The following MGAT4C variants were observed in gnomAD, a reference collection of about 807,000 sequenced individuals.
The protein encoded by MGAT4C is alpha-1,3-mannosyl-glycoprotein 4-beta-N-acetylglucosaminyltransferase C.
In MGAT4C, 19 loss-of-function variants were observed where a neutral mutation model predicts 40.1. The observed-to-expected ratio is 0.47, with a 90% CI of 0.33 to 0.70. MGAT4C has a LOEUF of 0.70. Ranked by LOEUF, MGAT4C falls within the 30% of genes least tolerant of loss-of-function variation. The pLI, the probability that MGAT4C is intolerant of heterozygous loss-of-function variation, is 0.02. For synonymous variants in MGAT4C, 181 were observed against 187.1 expected (o/e 0.97, Z 0.27); for missense variants, 491 against 563.2 (o/e 0.87, Z 1.30).
chr12:86,128,757 T>C (rs1265677897), intron 1 of MGAT4C, among the ~76,000 whole-genome samples: 2 of 152,080 alleles, frequency 1.3e-5, no homozygotes, highest in Non-Finnish European at 2.9e-5. Context: ...TTTAATAAAG[T>C]ATTATGGGTT....
At chr12:86,803,338 T>G (rs1342092092) in intron 1 of MGAT4C, among the ~76,000 whole-genome samples, 5 of 151,630 alleles carry the variant, frequency 3.3e-5, no homozygotes, top group Non-Finnish European at 5.9e-5. Flanking sequence ...GCATTACCAT[T>G]CAGGACATAG....
chr12:86,413,112 T>G (rs117434181), intron 3 of MGAT4C, among the ~76,000 whole-genome samples: 1 of 152,204 alleles, frequency 6.6e-6, no homozygotes, highest in Non-Finnish European at 1.5e-5. Flanking sequence ...AATTTTATGT[T>G]AAATTGTGTG....
At position 86,473,448 on chromosome 12, in the gene MGAT4C, T is replaced by C. The variant is rs73387884; in HGVS notation, c.-228-38183A>G. 3.2e-3 allele frequency among the ~76,000 whole-genome samples: 489 copies of C among 152,328 alleles called. 2 individuals carry two copies. The highest frequency in any genetic ancestry group is 0.011 in the African/African-American group (476 of 41,580). On this transcript the variant is annotated intron_variant, in intron 2 of 7. Transcript: ENST00000548651. The stretch of plus-strand genomic sequence containing the variant: ...CATTAGAACATTTATCACTGATACA[T>C]ATTTCCTAATAGCTAAAAGTTTACT...
intron 1 of MGAT4C, among the ~76,000 whole-genome samples, chr12:86,111,041 AAC>A (rs1877298466): frequency 6.6e-6 from 1 of 151,766 alleles, no homozygotes; most frequent in Non-Finnish European, 1.5e-5. Context: ...ACTTTGCTTT[AAC>A]AAATACTAAT....
chr12:86,682,762 G>A (rs375510855), intron 2 of MGAT4C, among the ~76,000 whole-genome samples: 1 of 151,864 alleles, frequency 6.6e-6, no homozygotes. Flanking sequence ...GGCCTTCAAG[G>A]ACAAATATTT....
Position 86,197,321 on chromosome 12 carries a change from A to G in MGAT4C, c.-57+58918T>C, listed in dbSNP as rs190681679. 2.1e-3 allele frequency among the ~76,000 whole-genome samples: 318 copies of G among 152,338 alleles called. 2 individuals are homozygous for G. Among genetic ancestry groups the G allele is most frequent in the Non-Finnish European group, 6.0e-4 (41 of 68,036 alleles). ...TCTTCTTATTTATCTGTATATATGT[A>G]TGTGTGTATACATATATACATATAC... On this transcript the variant is annotated intron_variant, in intron 1 of 4. Coordinates refer to ENST00000611864, the MANE Select transcript of MGAT4C (RefSeq NM_001351288.2).
intron 1 of MGAT4C, among the ~76,000 whole-genome samples, chr12:86,098,080 T>C (rs1874280159): frequency 6.6e-6 from 1 of 151,620 alleles, no homozygotes; most frequent in South Asian, 2.1e-4. Context: ...AGAAAAACAT[T>C]TCCTAAGAGA....
intron 2 of MGAT4C, among the ~76,000 whole-genome samples, chr12:86,447,047 G>C (rs1592859101): frequency 6.6e-6 from 1 of 152,174 alleles, no homozygotes; most frequent in East Asian, 1.9e-4. Context: ...AGGGATTGTA[G>C]AACAGTGACC....
chr12:86,279,155 G>A (rs1953152198), intron 4 of MGAT4C, among the ~76,000 whole-genome samples: 1 of 151,890 alleles, frequency 6.6e-6, no homozygotes, highest in African/African-American at 2.4e-5. Flanking sequence ...TTGGTATTAG[G>A]ATAATACTGG....
At chr12:86,809,095 A>G (rs1952421105) in intron 1 of MGAT4C, among the ~76,000 whole-genome samples, 1 of 152,148 alleles carries the variant, frequency 6.6e-6, no homozygotes, top group Non-Finnish European at 1.5e-5. Flanking sequence ...GGACCTCTTC[A>G]AAGAGAACTA....
At chr12:86,212,093 AATC>A (rs1383004998) in intron 1 of MGAT4C, among the ~76,000 whole-genome samples, 1 of 152,190 alleles carries the variant, frequency 6.6e-6, no homozygotes, top group African/African-American at 2.4e-5. Flanking sequence ...ATAGCCCTAG[AATC>A]ATCATTACTT....
intron 2 of MGAT4C, among the ~76,000 whole-genome samples, chr12:86,610,503 T>G (rs1189029702): frequency 1.3e-5 from 2 of 152,152 alleles, no homozygotes; most frequent in Non-Finnish European, 2.9e-5. Flanking sequence ...CATTGCGTCA[T>G]TCTCCTGGAA....
At chr12:86,533,279 A>G (rs1959013812) in intron 2 of MGAT4C, among the ~76,000 whole-genome samples, 1 of 152,092 alleles carries the variant, frequency 6.6e-6, no homozygotes, top group South Asian at 2.1e-4. Flanking sequence ...AGTTCATCTA[A>G]TAGTTTCCTT....
chr12:86,768,325 T>C (rs901862822), intron 1 of MGAT4C, among the ~76,000 whole-genome samples: 1 of 152,084 alleles, frequency 6.6e-6, no homozygotes, highest in African/African-American at 2.4e-5. Flanking sequence ...GTGAAGGACC[T>C]CTTCAAGGAG....
chr12:86,563,980 C>T (rs898191984), intron 2 of MGAT4C, among the ~76,000 whole-genome samples: 1 of 152,000 alleles, frequency 6.6e-6, no homozygotes, highest in East Asian at 1.9e-4. Context: ...TGGGAAAGGC[C>T]AAATGGAATC....
chr12:86,263,256 G>A (rs1237601788), intron 4 of MGAT4C, among the ~76,000 whole-genome samples: 1 of 152,014 alleles, frequency 6.6e-6, no homozygotes, highest in Non-Finnish European at 1.5e-5. Flanking sequence ...GTCAATTCAA[G>A]GCTTTTAGGG....
chr12:86,337,586 CAA>C (rs59069586), intron 3 of MGAT4C, among the ~76,000 whole-genome samples: 32 of 65,626 alleles, frequency 4.9e-4, no homozygotes, highest in African/African-American at 6.6e-4. Flanking sequence ...AATCTTGTCT[CAA>C]AAAAAAAAAA....
At chr12:85,995,015 G>A (rs1188526372) in intron 2 of MGAT4C, among the ~76,000 whole-genome samples, 1 of 152,218 alleles carries the variant, frequency 6.6e-6, no homozygotes, top group East Asian at 1.9e-4. Context: ...ACCATCTTCA[G>A]TCACTAGAAA....
chr12:86,317,856 A>G (rs547992134), intron 4 of MGAT4C, among the ~76,000 whole-genome samples: 2 of 151,370 alleles, frequency 1.3e-5, no homozygotes, highest in East Asian at 1.9e-4. Flanking sequence ...AAGGATTTTC[A>G]AAGAACTGCT....
Sources: allele counts gnomAD v4.1 joint callset (sites outside exome capture counted in the v4.1 genomes callset), GRCh38; gene constraint gnomAD v4.1.1; transcripts MANE v1.5; gene names NCBI Gene and HGNC (gene_info 2026-07-23, HGNC 2026-07-21).